SIN3B: variants seen among roughly 807,000 people sequenced by gnomAD.
SIN3B encodes paired amphipathic helix protein Sin3b.
SIN3B carries 19 observed loss-of-function variants against 120.2 expected under a neutral mutation model. That is an observed-to-expected ratio of 0.16 (90% CI 0.11 to 0.23). SIN3B has a LOEUF of 0.23. Ranked by LOEUF, SIN3B falls within the 10% of genes least tolerant of loss-of-function variation. The pLI is 1.00. For missense variants in SIN3B, 1,073 were observed against 1,573.0 expected (o/e 0.68, Z 5.38); for synonymous variants, 654 against 653.2 (o/e 1.00, Z -0.02).
intron 12 of SIN3B, 63 bp downstream of exon 12, chr19:16,866,619 G>A (rs930028038): frequency 3.3e-6 from 5 of 1,516,972 alleles, no homozygotes; most frequent in East Asian, 2.3e-5. Context: ...CGACCGCCGG[G>A]TCTGTGCCTC....
rs372471646 is a variant in SIN3B, at chr19:16,869,497, C to G, written c.1844C>G (p.Ser615Cys). ...EQHSEGRSAP[S>C]SEPHLIFVYE... ...CACTCGGAGGGCCGCAGTGCCCCCT[C>G]TAGCGAGCCGCACCTCATCTTTGTG... Residue 615 changes from serine to cysteine, a missense_variant, in exon 13 of 19, where the codon TCT becomes TGT. Physicochemically the swap from Ser to Cys is moderately radical, Grantham distance 112. Transcript: ENST00000248054. 1 of 1,612,950 alleles carries G rather than the reference C, an allele frequency of 6.2e-7. No homozygotes were observed. Among genetic ancestry groups the G allele is most frequent in the African/African-American group, 1.3e-5 (1 of 75,056 alleles).
chr19:16,844,722 G>A (rs994581387), intron 4 of SIN3B, among the ~76,000 whole-genome samples: 23 of 152,214 alleles, frequency 1.5e-4, no homozygotes, highest in South Asian at 4.1e-4. Flanking sequence ...AAACAGCAGC[G>A]CCGTTACGCG....
chr19:16,871,390 G>T lies in SIN3B; in HGVS notation c.2584G>T (p.Ala862Ser). 1 of 1,604,978 alleles carries T rather than the reference G, an allele frequency of 6.2e-7. No individual in the cohort carries two copies. The highest frequency in any genetic ancestry group is 8.5e-7 in the Non-Finnish European group (1 of 1,174,562). The change falls in exon 14 of 19, where the codon GCG becomes TCG. Residue 862 changes from alanine to serine, a missense_variant. Ala to Ser is a moderately conservative substitution (Grantham distance 99). This residue lies in a region of SIN3B where 311 missense variants were observed against 400.3 expected (regional missense o/e 0.78). Coordinates refer to ENST00000248054, the MANE Select transcript of SIN3B (RefSeq NM_001297595.2). ...FTMDKLVQNI[A>S]RQLHHLVSDD... is the part of the protein sequence containing the mutation. ...CATGGACAAGCTGGTGCAGAACATT[G>T]CGCGGCAGGTGAGCCGGGCCGGGGT...
chr19:16,843,215 A>G (rs1971440281), intron 4 of SIN3B, among the ~76,000 whole-genome samples: 1 of 152,172 alleles, frequency 6.6e-6, no homozygotes, highest in African/African-American at 2.4e-5. Context: ...CTCCTGCCTC[A>G]GCCTCCTGAG....
Position 16,832,191 on chromosome 19 carries a change from C to CTTTT in SIN3B, c.381+564_381+567dup, listed in dbSNP as rs10528185. On this transcript the variant is annotated intron_variant, in intron 3 of 18. Transcript: ENST00000248054. ...TTCTTGGGTGATAGGTGCTGGCCCT[C>CTTTT]TTTTTTTTTTTTTTTTTTTTTTTGG... Among the ~76,000 whole-genome samples, 236 of 125,360 alleles carry CTTTT rather than the reference C, an allele frequency of 1.9e-3. 2 individuals carry two copies. The highest frequency in any genetic ancestry group is 2.7e-3 in the Non-Finnish European group (163 of 59,782). The allele number at this position is 125,360 out of a possible 152,430, so 82.2% of individuals were successfully genotyped here.
intron 10 of SIN3B, chr19:16,865,059 G>A (rs55961639): frequency 4.3e-4 from 79 of 183,238 alleles, no homozygotes; most frequent in African/African-American, 1.7e-3. Flanking sequence ...TCTCGAACTC[G>A]TGACCTTGTG....
In SIN3B at chr19:16,840,377, C is replaced by T. The variant is rs191067109; in HGVS notation, c.382-1391C>T. Among the ~76,000 whole-genome samples, 442 of 152,294 alleles carry T rather than the reference C, an allele frequency of 2.9e-3. 2 individuals carry two copies. The highest frequency in any genetic ancestry group is 0.01 in the African/African-American group (429 of 41,566). ...CATGAGGACACAGACAGTGGCCACC[C>T]ACAAGCCAAGGAGAGAGTCCTTAGA... is the stretch of plus-strand genomic sequence containing the variant. On this transcript the variant is annotated intron_variant, in intron 3 of 18. Transcript: ENST00000248054.
chr19:16,850,931 G>A (rs1971536198), intron 5 of SIN3B, among the ~76,000 whole-genome samples: 2 of 151,246 alleles, frequency 1.3e-5, no homozygotes, highest in African/African-American at 4.9e-5. Flanking sequence ...CCCCAGAAAC[G>A]TTTTGTCATT....
At chr19:16,873,519 C>T (rs2051539879) in intron 14 of SIN3B, among the ~76,000 whole-genome samples, 1 of 120,538 alleles carries the variant, frequency 8.3e-6, no homozygotes. Context: ...GCAGTCTGTC[C>T]CCTCCCCCCC....
intron 5 of SIN3B, among the ~76,000 whole-genome samples, chr19:16,847,449 C>T (rs1339372364): frequency 6.6e-6 from 1 of 152,226 alleles, no homozygotes; most frequent in East Asian, 1.9e-4. Context: ...GCCTGGGACC[C>T]CAGCCCTGTG....
chr19:16,877,766 T>C, intron 17 of SIN3B, 127 bp downstream of exon 17: 1 of 703,428 alleles, frequency 1.4e-6, no homozygotes, highest in African/African-American at 1.7e-5. Flanking sequence ...TGCTGTGTGC[T>C]GAGGCAGGCC....
At chr19:16,846,221 G>C (rs1971476817) in intron 4 of SIN3B, 1 of 152,204 alleles carries the variant, frequency 6.6e-6, no homozygotes, top group Admixed American at 6.5e-5. Context: ...TGGAAGGGTG[G>C]TGTTTTTTTT....
chr19:16,878,001 G>T (rs1229180711), intron 17 of SIN3B, among the ~76,000 whole-genome samples, 182 bp from the exon 18 acceptor site: 1 of 152,152 alleles, frequency 6.6e-6, no homozygotes, highest in African/African-American at 2.4e-5. Context: ...TATGGGACCA[G>T]TGGGGGCTGC....
Position 16,865,658 on chromosome 19 carries a change from G to A in SIN3B, c.1622+10G>A. On this transcript the variant is annotated intron_variant, in intron 11 of 18. Transcript: ENST00000248054. ...CCGTTGTCCTGAAAAGGTGCCCTGTGGCGTCCCGACTTCCCTTCCCCTTCC... is the reference window on the plus strand; with the variant it reads ...CCGTTGTCCTGAAAAGGTGCCCTGTAGCGTCCCGACTTCCCTTCCCCTTCC... The A allele has an allele frequency of 2.5e-6, 4 of 1,573,892 alleles. No homozygotes were observed. Among genetic ancestry groups the A allele is most frequent in the South Asian group, 1.1e-5 (1 of 88,152 alleles).
rs2051612999 is a variant in SIN3B, at chr19:16,876,662, G to A, written c.2859+84G>A. Reference sequence around the variant, plus strand: ...ATGGGGCTCCCACCAGCCAAGCGCAGGCCGCGCAGCATCCAGAGACCCTCC... The same window carrying A: ...ATGGGGCTCCCACCAGCCAAGCGCAAGCCGCGCAGCATCCAGAGACCCTCC... On this transcript the variant is annotated intron_variant, in intron 16 of 18. Coordinates refer to ENST00000248054, the MANE Select transcript of SIN3B (RefSeq NM_001297595.2). This position sits in a 1 kb window ranked among gnomAD's most constrained non-coding sequence, Gnocchi z 7.1. The A allele has an allele frequency of 2.6e-5, 28 of 1,084,334 alleles. 1 individual carries two copies. In the Middle Eastern group the frequency reaches 1.2e-3, roughly 47 times the overall value. 67.2% of individuals were successfully genotyped at this position (1,084,334 alleles called of 1,614,324 possible).
chr19:16,841,866 G>A lies in SIN3B; in HGVS notation c.480G>A (p.Val160=). The A allele has an allele frequency of 6.2e-7, 1 of 1,614,034 alleles. No homozygotes were observed. Among genetic ancestry groups the A allele is most frequent in the Non-Finnish European group, 8.5e-7 (1 of 1,180,004 alleles). ...AGGTGCCCCTGGAGTCCGATTCCGT[G>A]GAATTCAACAACGCCATCAGCTATG... ...KPQVPLESDS[V]EFNNAISYVN... Residue 160 remains valine, a synonymous_variant, in exon 4 of 19, where the codon GTG becomes GTA. Transcript: ENST00000248054.
At chr19:16,868,123 C>T (rs995073158) in intron 12 of SIN3B, among the ~76,000 whole-genome samples, 1 of 152,136 alleles carries the variant, frequency 6.6e-6, no homozygotes, top group African/African-American at 2.4e-5. Context: ...ACATGGGGAC[C>T]CTGCTTCAGA....
chr19:16,869,955 C>A lies in SIN3B; in HGVS notation c.2302C>A (p.Arg768Ser). The A allele has an allele frequency of 6.2e-7, 1 of 1,614,224 alleles. No homozygotes were observed. Among genetic ancestry groups the A allele is most frequent in the Non-Finnish European group, 8.5e-7 (1 of 1,180,048 alleles). ...TLCSRLLKIY[R>S]QAQKQLLEYR... ...GTGCTCCAGGCTGCTGAAGATCTACCGCCAGGCGCAGAAGCAGCTTCTGGA... is the reference window on the plus strand; with the variant it reads ...GTGCTCCAGGCTGCTGAAGATCTACAGCCAGGCGCAGAAGCAGCTTCTGGA... Residue 768 changes from arginine (R) to serine (S), a missense_variant, in exon 13 of 19, where the codon CGC (arginine) becomes AGC (serine). By Grantham distance (110) the Arg-to-Ser change is moderately radical. Around this residue, in one of 7 missense-constraint regions of SIN3B, gnomAD observed 52 missense variants for 68.8 expected, o/e 0.76. Coordinates refer to ENST00000248054, the MANE Select transcript of SIN3B (RefSeq NM_001297595.2).
In SIN3B at chr19:16,854,227, T is replaced by G. The variant is rs1163415255; in HGVS notation, c.1024T>G (p.Ser342Ala). 1 of 1,612,816 alleles carries G rather than the reference T, an allele frequency of 6.2e-7. No homozygotes were observed. The highest frequency in any genetic ancestry group is 8.5e-7 in the Non-Finnish European group (1 of 1,179,820). ...CTTCAACCAGGAGCTGGTGTCTGGC[T>G]CTGAGCTCCTGCAGCTCGTCAGCCC... ...ALFNQELVSG[S>A]ELLQLVSPFL... Residue 342 changes from serine to alanine, a missense_variant, in exon 8 of 19, where the codon TCT becomes GCT. Around this residue, in one of 7 missense-constraint regions of SIN3B, gnomAD observed 395 missense variants for 528.0 expected, o/e 0.75. Transcript: ENST00000248054.
Sources: allele counts gnomAD v4.1 joint callset (sites outside exome capture counted in the v4.1 genomes callset), GRCh38; gene constraint gnomAD v4.1.1; regional missense constraint gnomAD v4.1.1; non-coding constraint Gnocchi (gnomAD v3.1); transcripts MANE v1.5; gene names NCBI Gene and HGNC (gene_info 2026-07-23, HGNC 2026-07-21).